Variants in HCN4 observed in about 807,000 individuals in gnomAD.
HCN4 encodes the protein potassium/sodium hyperpolarization-activated cyclic nucleotide-gated channel 4.
In HCN4, 29 loss-of-function variants were observed where a neutral mutation model predicts 76.9. The observed-to-expected ratio is 0.38, with a 90% confidence interval of 0.28 to 0.51. The LOEUF is 0.51. HCN4 is among the 20% of genes least tolerant of loss of function. HCN4 has a pLI of 0.90. For synonymous variants in HCN4, 772 were observed against 762.5 expected (o/e 1.01, Z -0.21); for missense variants, 1,416 against 1,715.2 (o/e 0.83, Z 3.08).
intron 1 of HCN4, among the ~76,000 whole-genome samples, chr15:73,349,030 C>T (rs1414643328): frequency 6.6e-6 from 1 of 152,098 alleles, no homozygotes. Context: ...TGCCTCTTAC[C>T]TCCCACCCAC....
chr15:73,364,079 GAC>G (rs891999133), intron 1 of HCN4, among the ~76,000 whole-genome samples: 3 of 152,270 alleles, frequency 2.0e-5, no homozygotes, highest in Admixed American at 1.3e-4. Flanking sequence ...CCAAGGAAAG[GAC>G]ACTTTAAGCA....
Position 73,324,193 on chromosome 15 carries a change from C to T in HCN4, c.2039G>A (p.Arg680His), listed in dbSNP as rs753421461. The T allele has an allele frequency of 3.7e-6, 6 of 1,614,120 alleles. No homozygotes were observed. The highest frequency in any genetic ancestry group is 5.1e-6 in the Non-Finnish European group (6 of 1,179,988). ...GTTGTCCACGCTCAGCGAGTAGAGGCGGCAGTAGGTGTCGGCCCTCACGCT... is the reference window on the plus strand; with the variant it reads ...GTTGTCCACGCTCAGCGAGTAGAGGTGGCAGTAGGTGTCGGCCCTCACGCT... ...TASVRADTYC[R>H]LYSLSVDNFN... Residue 680 changes from arginine to histidine, a missense_variant, in exon 7 of 8, where the codon CGC becomes CAC. Around this residue, in one of 6 missense-constraint regions of HCN4, gnomAD observed 241 missense variants for 379.4 expected, o/e 0.64. Transcript: ENST00000261917.
In HCN4 at chr15:73,343,287, T is replaced by TCGGTG; in HGVS notation, c.1209+97_1209+98insCACCG. On this transcript the variant is annotated intron_variant, in intron 2 of 7. Coordinates refer to ENST00000261917, the MANE Select transcript of HCN4 (RefSeq NM_005477.3). The surrounding 1 kb of genome is among the most constrained non-coding windows in gnomAD (Gnocchi z 5.7). ...TGGAGCAGGTGTGCCTGCCACAATCTGACAGCCTATGTTCAATTATCTGAG... is the reference window on the plus strand; with the variant it reads ...TGGAGCAGGTGTGCCTGCCACAATCTCGGTGGACAGCCTATGTTCAATTATCTGAG... 8.2e-7 allele frequency: 1 copy of TCGGTG among 1,213,458 alleles called. No individual in the cohort carries two copies. Among genetic ancestry groups the TCGGTG allele is most frequent in the Non-Finnish European group, 1.2e-6 (1 of 837,122 alleles). The allele number at this position is 1,213,458 out of a possible 1,614,324, so 75.2% of individuals were successfully genotyped here. A position where few individuals can be genotyped will look rare whatever the true frequency, so the allele number is the denominator to read the frequency against.
At position 73,321,445 on chromosome 15, in the gene HCN4, A is replaced by G. The variant is rs2042856900; in HGVS notation, c.*1036T>C. On this transcript the variant is annotated 3_prime_UTR_variant, in exon 8 of 8. Coordinates refer to ENST00000261917, the MANE Select transcript of HCN4 (RefSeq NM_005477.3). ...CTTCCTCTGCTAAATGGGGAGAATC[A>G]AAGTACCCACCCCATGGTCTTTGTG... The G allele has an allele frequency of 6.6e-6, 1 of 152,352 alleles. No individual in the cohort carries two copies. The highest frequency in any genetic ancestry group is 6.5e-5 in the Admixed American group (1 of 15,284). 9.4% of individuals were successfully genotyped at this position (152,352 alleles called of 1,614,324 possible).
intron 2 of HCN4, among the ~76,000 whole-genome samples, chr15:73,337,560 C>T (rs574964944): frequency 1.0e-3 from 154 of 152,318 alleles, no homozygotes; most frequent in African/African-American, 3.5e-3. Context: ...CCTTCTGTAT[C>T]GCCTTTATCT....
At chr15:73,345,511 C>T (rs1448283653) in intron 1 of HCN4, among the ~76,000 whole-genome samples, 4 of 152,156 alleles carry the variant, frequency 2.6e-5, no homozygotes, top group Admixed American at 2.6e-4. Context: ...CTCAGCTTCA[C>T]ACTTTACTAC....
intron 1 of HCN4, among the ~76,000 whole-genome samples, chr15:73,353,337 GCTC>G (rs1286365993): frequency 2.0e-5 from 3 of 152,170 alleles, no homozygotes; most frequent in Non-Finnish European, 4.4e-5. Flanking sequence ...TCCCCAGATG[GCTC>G]CTAAGTGGTC....
At chr15:73,329,868 C>G in intron 3 of HCN4, 77 bp from the exon 4 acceptor site, 1 of 1,211,178 alleles carries the variant, frequency 8.3e-7, no homozygotes, top group South Asian at 1.3e-5. Context: ...GCCCTGCCAC[C>G]TCCTCACCTC....
chr15:73,325,498 C>G lies in HCN4; in HGVS notation c.1591-54G>C. 1 of 1,587,762 alleles carries G rather than the reference C, an allele frequency of 6.3e-7. No individual in the cohort carries two copies. The highest frequency in any genetic ancestry group is 8.6e-7 in the Non-Finnish European group (1 of 1,156,188). On this transcript the variant is annotated intron_variant, in intron 4 of 7. Coordinates refer to ENST00000261917, the MANE Select transcript of HCN4 (RefSeq NM_005477.3). The surrounding 1 kb of genome is among the most constrained non-coding windows in gnomAD (Gnocchi z 7.4). Reference sequence around the variant, plus strand: ...CCACCCCACCAGGGGGCGTCAGCAGCCAGCCCCACCACCTCGGCAGGCACC... The same window carrying G: ...CCACCCCACCAGGGGGCGTCAGCAGGCAGCCCCACCACCTCGGCAGGCACC...
intron 3 of HCN4, 40 bp downstream of exon 3, chr15:73,332,091 G>A (rs373881810): frequency 1.8e-5 from 29 of 1,605,196 alleles, no homozygotes; most frequent in Middle Eastern, 2.1e-4. Context: ...TGGAGAGCCC[G>A]CCTATGGCCC....
Position 73,326,767 on chromosome 15 carries a change from CTTTT to C in HCN4, c.1591-1327_1591-1324del, listed in dbSNP as rs1335965154. On this transcript the variant is annotated intron_variant, in intron 4 of 7. Coordinates refer to ENST00000261917, the MANE Select transcript of HCN4 (RefSeq NM_005477.3). ...CTGATGCATTTTCTTTTCTTTTTTT[CTTTT>C]TATTTATTTATTTATTTATTTATTT... 1.1e-4 allele frequency among the ~76,000 whole-genome samples: 16 copies of C among 150,996 alleles called. No individual in the cohort carries two copies. In the East Asian group the frequency reaches 3.1e-3, roughly 29 times the overall value.
At chr15:73,346,301 T>A (rs938555841) in intron 1 of HCN4, among the ~76,000 whole-genome samples, 13 of 152,242 alleles carry the variant, frequency 8.5e-5, no homozygotes, top group African/African-American at 2.9e-4. Flanking sequence ...AGTTTTGTTA[T>A]CTGCTCAATG....
In HCN4 at chr15:73,356,830, A is replaced by G. The variant is rs74831120; in HGVS notation, c.785+10656T>C. 4.2e-3 allele frequency among the ~76,000 whole-genome samples: 641 copies of G among 152,252 alleles called. 3 individuals carry two copies. The highest frequency in any genetic ancestry group is 0.015 in the African/African-American group (609 of 41,532). On this transcript the variant is annotated intron_variant, in intron 1 of 7. Transcript: ENST00000261917. Reference sequence around the variant, plus strand: ...TGACTCCTCACAACCCACAAGGAAAAAAAAGGTATAAAAGCTCCCTGGAGA... The same window carrying G: ...TGACTCCTCACAACCCACAAGGAAAGAAAAGGTATAAAAGCTCCCTGGAGA...
rs760247980 is a variant in HCN4 at position 73,328,630 on chromosome 15, C to T, written c.1590+943G>A. Among the ~76,000 whole-genome samples, 56 of 152,070 alleles carry T rather than the reference C, an allele frequency of 3.7e-4. No homozygotes were observed. Among genetic ancestry groups the T allele is most frequent in the Non-Finnish European group, 6.5e-4 (44 of 68,018 alleles). ...CACCCCCGCCCTGCAGATGAGGAAACGGGGCCTCACGCTGTGGAGGCACAG... is the reference window on the plus strand; with the variant it reads ...CACCCCCGCCCTGCAGATGAGGAAATGGGGCCTCACGCTGTGGAGGCACAG... On this transcript the variant is annotated intron_variant, in intron 4 of 7. Coordinates refer to ENST00000261917, the MANE Select transcript of HCN4 (RefSeq NM_005477.3). This position sits in a 1 kb window ranked among gnomAD's most constrained non-coding sequence, Gnocchi z 4.0.
Position 73,322,690 on chromosome 15 carries a change from G to C in HCN4, c.3403C>G (p.Leu1135Val). The change falls in exon 8 of 8, where the codon CTC (leucine) becomes GTC (valine). Residue 1135 changes from leucine to valine, a missense_variant. Leu to Val is a conservative substitution (Grantham distance 32). This residue lies in a region of HCN4 where 633 missense variants were observed against 579.8 expected (regional missense o/e 1.09). Coordinates refer to ENST00000261917, the MANE Select transcript of HCN4 (RefSeq NM_005477.3). ...GSGGSGSSGGLGPPGRPYGAI... is the reference protein window; with the variant it reads ...GSGGSGSSGGVGPPGRPYGAI... ...CCATAGGGCCTCCCAGGGGGACCGA[G>C]GCCCCCGCTGCTCCCACTGCCCCCG... 6.3e-7 allele frequency: 1 copy of C among 1,582,648 alleles called. No individual in the cohort carries two copies. The highest frequency in any genetic ancestry group is 1.1e-5 in the South Asian group (1 of 87,150).
chr15:73,337,624 C>T (rs1213665565), intron 2 of HCN4, among the ~76,000 whole-genome samples: 2 of 152,150 alleles, frequency 1.3e-5, no homozygotes, highest in Non-Finnish European at 2.9e-5. Context: ...GTGCCTTTAT[C>T]GTGATCTCAG....
In HCN4 at chr15:73,343,669, C is replaced by T; in HGVS notation, c.925G>A (p.Asp309Asn). ...CCTGTGCGGAAGTTGAGGACCAAGT[C>T]GATGAGGAAGAATGTGTCTGACACC... The part of the protein sequence containing the change: ...NVVSDTFFLI[D>N]LVLNFRTGIV... The change falls in exon 2 of 8, where the codon GAC becomes AAC. Residue 309 changes from aspartate to asparagine, a missense_variant. By Grantham distance (23) the Asp-to-Asn change is conservative. Coordinates refer to ENST00000261917, the MANE Select transcript of HCN4 (RefSeq NM_005477.3). This position sits in a 1 kb window ranked among gnomAD's most constrained non-coding sequence, Gnocchi z 5.7. The T allele has an allele frequency of 1.9e-6, 3 of 1,614,094 alleles. No homozygotes were observed. The highest frequency in any genetic ancestry group is 1.7e-6 in the Non-Finnish European group (2 of 1,180,020).
intron 1 of HCN4, among the ~76,000 whole-genome samples, chr15:73,345,999 G>A (rs2043028209): frequency 6.6e-6 from 1 of 152,184 alleles, no homozygotes; most frequent in Non-Finnish European, 1.5e-5. Flanking sequence ...GAGAATGTTT[G>A]CATTTTGTGG....
intron 1 of HCN4, among the ~76,000 whole-genome samples, chr15:73,353,225 T>C (rs901549689): frequency 6.6e-6 from 1 of 152,222 alleles, no homozygotes; most frequent in East Asian, 1.9e-4. Context: ...AGGCAGATGT[T>C]ACCTTTATAA....
Sources: allele counts gnomAD v4.1 joint callset (sites outside exome capture counted in the v4.1 genomes callset), GRCh38; gene constraint gnomAD v4.1.1; regional missense constraint gnomAD v4.1.1; non-coding constraint Gnocchi (gnomAD v3.1); transcripts MANE v1.5; gene names NCBI Gene and HGNC (gene_info 2026-07-23, HGNC 2026-07-21).